Variants in KATNIP observed in about 807,000 individuals in gnomAD.
The protein encoded by KATNIP is katanin-interacting protein.
In KATNIP, 126 loss-of-function variants were observed where a neutral mutation model predicts 174.0. The ratio of observed to expected loss-of-function variants is 0.72; its 90% CI spans 0.63 to 0.84. The LOEUF (loss-of-function observed/expected upper bound fraction) is 0.84. Ranked by LOEUF, KATNIP falls within the 40% of genes least tolerant of loss-of-function variation. The pLI, the probability that KATNIP is intolerant of heterozygous loss-of-function variation, is 0.00. For synonymous variants in KATNIP, 810 were observed against 835.7 expected (o/e 0.97, Z 0.53); for missense variants, 1,958 against 2,109.7 (o/e 0.93, Z 1.41).
intron 2 of KATNIP, among the ~76,000 whole-genome samples, chr16:27,600,522 C>A (rs750621361): frequency 2.7e-4 from 41 of 152,162 alleles, no homozygotes; most frequent in Admixed American, 1.2e-3. Context: ...ACTCTCCACC[C>A]CAGCCCAAGA....
chr16:27,703,036 G>GATTACAGT (rs1191296214), intron 11 of KATNIP, among the ~76,000 whole-genome samples: 2 of 152,014 alleles, frequency 1.3e-5, no homozygotes, highest in African/African-American at 4.8e-5. Flanking sequence ...GCATGGTGGC[G>GATTACAGT]AGCCCCTGTA....
chr16:27,585,292 G>A lies in KATNIP; in HGVS notation c.63+11336G>A, dbSNP rs551285236. Among the ~76,000 whole-genome samples, 7 of 148,714 alleles carry A rather than the reference G, an allele frequency of 4.7e-5. No individual in the cohort carries two copies. The South Asian group carries it at 1.2e-3, about 26-fold the overall frequency. On this transcript the variant is annotated intron_variant, in intron 2 of 27. Transcript: ENST00000261588. Reference sequence around the variant, plus strand: ...AAGACAGGCAAAAACAAATACTGGCGAGGATACAGAGAAAAGGGAATCCTT... The same window carrying A: ...AAGACAGGCAAAAACAAATACTGGCAAGGATACAGAGAAAAGGGAATCCTT...
At chr16:27,742,542 C>G (rs755697544) in intron 15 of KATNIP, among the ~76,000 whole-genome samples, 1 of 152,244 alleles carries the variant, frequency 6.6e-6, no homozygotes, top group Non-Finnish European at 1.5e-5. Context: ...AGCACAAACC[C>G]TGGAGCCAGG....
chr16:27,552,328 ACT>A (rs914654059), intron 1 of KATNIP, among the ~76,000 whole-genome samples: 20 of 149,498 alleles, frequency 1.3e-4, no homozygotes, highest in African/African-American at 4.9e-4. Flanking sequence ...AACTGTAGAC[ACT>A]CTCCTTTCAT....
intron 5 of KATNIP, among the ~76,000 whole-genome samples, chr16:27,646,927 G>T (rs140728882): frequency 1.7e-4 from 26 of 152,244 alleles, no homozygotes; most frequent in African/African-American, 6.3e-4. Flanking sequence ...CCCCATTGCA[G>T]CTGGCAGAGG....
rs1417248627 is a variant in KATNIP, at chr16:27,669,184, AG to A, written c.541-8544del. On this transcript the variant is annotated intron_variant, in intron 6 of 27. Transcript: ENST00000261588. The stretch of plus-strand genomic sequence containing the variant: ...CTGATGTCACTTTTCCTAGTTCAGC[AG>A]AAAGAGGAAGCTCAGGCATAGAAGG... The A allele has an allele frequency of 1.1e-5, 7 of 626,172 alleles. No homozygotes were observed. The East Asian group carries it at 9.8e-4, about 87-fold the overall frequency. 38.8% of individuals were successfully genotyped at this position (626,172 alleles called of 1,614,324 possible). A position where few individuals can be genotyped will look rare whatever the true frequency, so the allele number is the denominator to read the frequency against.
chr16:27,730,149 T>C (rs750308323), intron 14 of KATNIP, among the ~76,000 whole-genome samples: 5 of 152,256 alleles, frequency 3.3e-5, no homozygotes, highest in Non-Finnish European at 7.3e-5. Context: ...GACTCACAGC[T>C]GTCACAGCCT....
In KATNIP at chr16:27,631,379, A is replaced by G. The variant is rs1596998403; in HGVS notation, c.408+217A>G. On this transcript the variant is annotated intron_variant, in intron 5 of 27. Transcript: ENST00000261588. ...ACAAAGTGAGACTTCATCTCTACTA[A>G]AAATAAAAATAAAAAATTCGCCAGG... The G allele has an allele frequency of 1.2e-5, 6 of 500,400 alleles. No individual in the cohort carries two copies. In the East Asian group the frequency reaches 2.0e-4, roughly 16 times the overall value. The allele number at this position is 500,400 out of a possible 1,614,324, so 31.0% of individuals were successfully genotyped here. A position where few individuals can be genotyped will look rare whatever the true frequency, so the allele number is the denominator to read the frequency against.
At chr16:27,701,097 G>A (rs1183525441) in intron 10 of KATNIP, among the ~76,000 whole-genome samples, 1 of 152,200 alleles carries the variant, frequency 6.6e-6, no homozygotes, top group Non-Finnish European at 1.5e-5. Context: ...ATTCTTCATA[G>A]AGTCTGCTTA....
chr16:27,664,295 T>A (rs2077616053), intron 6 of KATNIP, among the ~76,000 whole-genome samples: 1 of 152,272 alleles, frequency 6.6e-6, no homozygotes, highest in South Asian at 2.1e-4. Flanking sequence ...GTTTTTTGTT[T>A]GTGGCCTACC....
At chr16:27,702,718 G>A (rs898559563) in intron 11 of KATNIP, among the ~76,000 whole-genome samples, 6 of 152,226 alleles carry the variant, frequency 3.9e-5, no homozygotes, top group Admixed American at 1.3e-4. Flanking sequence ...CTCCAGGTCT[G>A]TGTCTACCTA....
chr16:27,718,203 C>T (rs11648558), intron 13 of KATNIP: 10,898 of 152,368 alleles, frequency 0.072, 520 homozygotes, highest in Middle Eastern at 0.13. Flanking sequence ...GAGCTTTGGC[C>T]TGTTTTGGTC....
chr16:27,779,257 G>A lies in KATNIP; in HGVS notation c.*628G>A, dbSNP rs2082613295. The stretch of plus-strand genomic sequence containing the variant: ...TCTCTCCTCTCATCGGGCCTGATAA[G>A]GGATTGGCCAAGGCTGTGTGCATCC... On this transcript the variant is annotated 3_prime_UTR_variant, in exon 28 of 28. Coordinates refer to ENST00000261588, the MANE Select transcript of KATNIP (RefSeq NM_015202.5). The A allele has an allele frequency of 6.6e-6, 1 of 151,888 alleles. No individual in the cohort carries two copies. The highest frequency in any genetic ancestry group is 6.5e-5 in the Admixed American group (1 of 15,294). The allele number at this position is 151,888 out of a possible 1,614,324, so 9.4% of individuals were successfully genotyped here.
At chr16:27,678,749 C>T (rs1024402374) in intron 7 of KATNIP, among the ~76,000 whole-genome samples, 1 of 152,128 alleles carries the variant, frequency 6.6e-6, no homozygotes, top group African/African-American at 2.4e-5. Context: ...CCCAGCCACA[C>T]GATAGTGCGG....
chr16:27,699,510 C>T lies in KATNIP; in HGVS notation c.1114-24C>T, dbSNP rs748631271. 2.5e-6 allele frequency: 4 copies of T among 1,613,816 alleles called. No individual in the cohort carries two copies. The Admixed American group carries it at 5.0e-5, about 20-fold the overall frequency. ...AGTGAATGGCTTTGTTCCAACATCA[C>T]ATCATGTGATCACATCCTTCCAGGA... On this transcript the variant is annotated intron_variant, in intron 9 of 27. Transcript: ENST00000261588.
In KATNIP at chr16:27,776,638, C is replaced by T. The variant is rs934115605; in HGVS notation, c.4450-290C>T. On this transcript the variant is annotated intron_variant, in intron 24 of 27. Coordinates refer to ENST00000261588, the MANE Select transcript of KATNIP (RefSeq NM_015202.5). The surrounding 1 kb of genome is among the most constrained non-coding windows in gnomAD (Gnocchi z 4.7). Reference sequence around the variant, plus strand: ...TGACCTGAGGGGACGTGGGGGAGGGCCGAGGATGTTCCCAATCCTCCACTG... The same window carrying T: ...TGACCTGAGGGGACGTGGGGGAGGGTCGAGGATGTTCCCAATCCTCCACTG... Among the ~76,000 whole-genome samples, 3 of 152,170 alleles carry T rather than the reference C, an allele frequency of 2.0e-5. No individual in the cohort carries two copies. The highest frequency in any genetic ancestry group is 7.2e-5 in the African/African-American group (3 of 41,430).
At chr16:27,554,895 G>A (rs1454617288) in intron 1 of KATNIP, among the ~76,000 whole-genome samples, 1 of 149,304 alleles carries the variant, frequency 6.7e-6, no homozygotes, top group African/African-American at 2.5e-5. Flanking sequence ...CCAGGTTCAA[G>A]CGATTCTCTT....
chr16:27,654,018 C>G (rs901778106), intron 6 of KATNIP, among the ~76,000 whole-genome samples: 4 of 152,146 alleles, frequency 2.6e-5, no homozygotes, highest in African/African-American at 4.8e-5. Flanking sequence ...CTCTGTCACC[C>G]TGGCTGGAGT....
At chr16:27,710,037 C>T (rs538300691) in intron 13 of KATNIP, among the ~76,000 whole-genome samples, 1 of 152,252 alleles carries the variant, frequency 6.6e-6, no homozygotes, top group South Asian at 2.1e-4. Flanking sequence ...GGTGCACACT[C>T]CACAAACGTT....
Sources: gnomAD v4.1 joint callset for allele counts (sites outside exome capture counted in the v4.1 genomes callset) on GRCh38, gnomAD v4.1.1 for gene constraint, Gnocchi (gnomAD v3.1) non-coding constraint, MANE v1.5 for transcripts, NCBI Gene and HGNC (gene_info 2026-07-23, HGNC 2026-07-21) for gene names.